Variants in MAP4K1 observed in about 807,000 individuals in gnomAD.
The protein encoded by MAP4K1 is mitogen-activated protein kinase kinase kinase kinase 1.
A neutral mutation model predicts 122.8 loss-of-function variants in MAP4K1; 35 were observed. The ratio of observed to expected loss-of-function variants is 0.29; its 90% CI spans 0.22 to 0.38. The LOEUF is 0.38. Ranked by LOEUF, MAP4K1 falls within the 10% of genes least tolerant of loss-of-function variation. The pLI is 1.00. For synonymous variants in MAP4K1, 412 were observed against 421.3 expected (o/e 0.98, Z 0.27); for missense variants, 791 against 1,072.6 (o/e 0.74, Z 3.67).
Position 38,596,327 on chromosome 19 carries a change from C to A in MAP4K1, c.2101G>T (p.Gly701Cys). The A allele has an allele frequency of 6.3e-7, 1 of 1,589,310 alleles. No homozygotes were observed. Among genetic ancestry groups the A allele is most frequent in the Non-Finnish European group, 8.6e-7 (1 of 1,166,762 alleles). The stretch of plus-strand genomic sequence containing the variant: ...CCCCACTCACCGGTGCTCATCTCGC[C>A]CAGCCAGCAAGAGAGCGCGCCAAAG... Reference protein sequence around the residue: ...VRFGALSCWLGEMSTEHRGPV... With the variant: ...VRFGALSCWLCEMSTEHRGPV... Residue 701 changes from glycine to cysteine, a missense_variant, in exon 26 of 31, where the codon GGC (glycine) becomes TGC (cysteine). By Grantham distance (159) the Gly-to-Cys change is radical (BLOSUM62 -3). This residue lies in a region of MAP4K1 where 267 missense variants were observed against 323.0 expected (regional missense o/e 0.83). Coordinates refer to ENST00000396857, the MANE Select transcript of MAP4K1 (RefSeq NM_001042600.3).
At chr19:38,615,689 G>T (rs1277901148) in intron 4 of MAP4K1, among the ~76,000 whole-genome samples, 1 of 152,028 alleles carries the variant, frequency 6.6e-6, no homozygotes, top group African/African-American at 2.4e-5. Context: ...TCTCAATGAC[G>T]TCCTTCCTTT....
Position 38,617,683 on chromosome 19 carries a change from C to T in MAP4K1, c.100-58G>A, listed in dbSNP as rs1364089417. On this transcript the variant is annotated intron_variant, in intron 1 of 30. Coordinates refer to ENST00000396857, the MANE Select transcript of MAP4K1 (RefSeq NM_001042600.3). This position sits in a 1 kb window ranked among gnomAD's most constrained non-coding sequence, Gnocchi z 4.1. ...TCCATTTGCCAGAGTCCCTCCACAGCATCCCTGAGTCAAGGTCAAGAACTG... is the reference window on the plus strand; with the variant it reads ...TCCATTTGCCAGAGTCCCTCCACAGTATCCCTGAGTCAAGGTCAAGAACTG... 1 of 1,607,762 alleles carries T rather than the reference C, an allele frequency of 6.2e-7. No homozygotes were observed. The highest frequency in any genetic ancestry group is 1.3e-5 in the African/African-American group (1 of 74,772).
Position 38,616,221 on chromosome 19 carries a change from G to A in MAP4K1, c.287C>T (p.Ala96Val). 6.2e-7 allele frequency: 1 copy of A among 1,613,734 alleles called. No homozygotes were observed. The highest frequency in any genetic ancestry group is 1.1e-5 in the South Asian group (1 of 90,998). The change falls in exon 4 of 31, where the codon GCT becomes GTT. Residue 96 changes from alanine (A) to valine (V), a missense_variant. Transcript: ENST00000396857. ...KLWICMEFCG[A>V]GSLQDIYQVT... ...TTGGTAGATGTCCTGGAGAGAACCA[G>A]CCCCACAGAATTCCATGCAGATCCA... is the stretch of plus-strand genomic sequence containing the variant.
At chr19:38,608,799 CA>C (rs1031744033) in intron 13 of MAP4K1, among the ~76,000 whole-genome samples, 273 of 9,548 alleles carry the variant, frequency 0.029, no homozygotes, top group African/African-American at 0.053. Context: ...AACTCCGTCT[CA>C]AAAAAAAAAA....
intron 30 of MAP4K1, among the ~76,000 whole-genome samples, chr19:38,589,477 G>A (rs1321765627): frequency 2.7e-5 from 4 of 149,532 alleles, no homozygotes; most frequent in South Asian, 2.1e-4. Flanking sequence ...GTGCAATGGC[G>A]CGATCTCGGC....
intron 25 of MAP4K1, 88 bp from the exon 26 acceptor site, chr19:38,596,574 G>A: frequency 9.0e-7 from 1 of 1,113,010 alleles, no homozygotes; most frequent in Non-Finnish European, 1.2e-6. Flanking sequence ...TGGGACTTCC[G>A]AACCAGGGCC....
In MAP4K1 at chr19:38,609,680, C is replaced by T. The variant is rs1975437190; in HGVS notation, c.928-6G>A. On this transcript the variant is annotated splice_region_variant and splice_polypyrimidine_tract_variant and intron_variant, in intron 12 of 30. Transcript: ENST00000396857. ...CGAGGGATAGCAGGGGGTAGCTGGG[C>T]AGAGGGGCAGCCACGTCAGGGCTCA... 9.3e-6 allele frequency: 15 copies of T among 1,609,198 alleles called. No homozygotes were observed. Among genetic ancestry groups the T allele is most frequent in the Non-Finnish European group, 1.2e-5 (14 of 1,177,924 alleles).
At chr19:38,608,252 A>G in intron 13 of MAP4K1, 82 bp from the exon 14 acceptor site, 1 of 455,214 alleles carries the variant, frequency 2.2e-6, no homozygotes, top group Non-Finnish European at 3.8e-6. Flanking sequence ...AAAGAGTAGA[A>G]TTGGCGGGGG....
chr19:38,601,288 G>T, intron 20 of MAP4K1, 153 bp downstream of exon 20: 1 of 639,748 alleles, frequency 1.6e-6, no homozygotes, highest in Non-Finnish European at 2.7e-6. Context: ...CTGAGTGTAA[G>T]GACAAGCTCC....
chr19:38,589,772 AT>A (rs1974650213), intron 30 of MAP4K1, among the ~76,000 whole-genome samples: 1 of 152,142 alleles, frequency 6.6e-6, no homozygotes, highest in African/African-American at 2.4e-5. Flanking sequence ...ACCCCTGCCT[AT>A]AAGCCCAGCA....
chr19:38,604,482 G>A (rs1277929578), intron 19 of MAP4K1, among the ~76,000 whole-genome samples: 2 of 151,980 alleles, frequency 1.3e-5, no homozygotes, highest in South Asian at 2.1e-4. Flanking sequence ...GTGCCACCAC[G>A]CCCAGCTAAT....
intron 30 of MAP4K1, among the ~76,000 whole-genome samples, chr19:38,590,537 G>A (rs1974698540): frequency 6.7e-6 from 1 of 150,006 alleles, no homozygotes; most frequent in Non-Finnish European, 1.5e-5. Context: ...GGAGTGCAGT[G>A]GCGTAATCTC....
At chr19:38,609,216 C>A (rs1437159524) in intron 13 of MAP4K1, among the ~76,000 whole-genome samples, 1 of 152,094 alleles carries the variant, frequency 6.6e-6, no homozygotes, top group Non-Finnish European at 1.5e-5. Flanking sequence ...TTCACTGCAA[C>A]CTCCACCTCC....
intron 22 of MAP4K1, among the ~76,000 whole-genome samples, chr19:38,598,344 A>T (rs935863475): frequency 1.4e-5 from 2 of 147,084 alleles, no homozygotes; most frequent in Non-Finnish European, 3.0e-5. Flanking sequence ...TTATTGTTAT[A>T]TATAGACAGG....
At chr19:38,610,567 G>T (rs1975468423) in intron 11 of MAP4K1, among the ~76,000 whole-genome samples, 1 of 151,648 alleles carries the variant, frequency 6.6e-6, no homozygotes, top group Non-Finnish European at 1.5e-5. Flanking sequence ...TGTATTTTTA[G>T]TAGAGACGGG....
Position 38,590,350 on chromosome 19 carries a change from G to T in MAP4K1, c.2397-2533C>A, listed in dbSNP as rs1974666128. On this transcript the variant is annotated intron_variant, in intron 30 of 30. Coordinates refer to ENST00000396857, the MANE Select transcript of MAP4K1 (RefSeq NM_001042600.3). ...AATTATAAAGAAACATGGCTCCTAAGTGCCACCTATGATCTTGGACCAGAA... is the reference window on the plus strand; with the variant it reads ...AATTATAAAGAAACATGGCTCCTAATTGCCACCTATGATCTTGGACCAGAA... 1.9e-5 allele frequency among the ~76,000 whole-genome samples: 2 copies of T among 104,224 alleles called. 1 individual carries two copies. The highest frequency in any genetic ancestry group is 7.6e-5 in the African/African-American group (2 of 26,410). The allele number at this position is 104,224 out of a possible 152,430, so 68.4% of individuals were successfully genotyped here. A position where few individuals can be genotyped will look rare whatever the true frequency, so the allele number is the denominator to read the frequency against.
intron 13 of MAP4K1, among the ~76,000 whole-genome samples, chr19:38,608,814 A>AC (rs1975409135): frequency 6.7e-6 from 1 of 148,278 alleles, no homozygotes; most frequent in Non-Finnish European, 1.5e-5. Context: ...AAAAAAAAAA[A>AC]AAAAAAAAAA....
At chr19:38,607,631 T>C (rs1975368254) in intron 16 of MAP4K1, among the ~76,000 whole-genome samples, 1 of 139,546 alleles carries the variant, frequency 7.2e-6, no homozygotes, top group South Asian at 2.3e-4. Context: ...TGGGATCAGG[T>C]TGGGGGTCAG....
At chr19:38,594,889 C>T (rs184675450) in intron 29 of MAP4K1, among the ~76,000 whole-genome samples, 150 of 151,336 alleles carry the variant, frequency 9.9e-4, no homozygotes, top group African/African-American at 3.4e-3. Context: ...TGCAGTGAGC[C>T]GAGATCGCGC....
Sources: allele counts gnomAD v4.1 joint callset (sites outside exome capture counted in the v4.1 genomes callset), GRCh38; gene constraint gnomAD v4.1.1; regional missense constraint gnomAD v4.1.1; non-coding constraint Gnocchi (gnomAD v3.1); transcripts MANE v1.5; gene names NCBI Gene and HGNC (gene_info 2026-07-23, HGNC 2026-07-21).